Variants in TRIP12 observed in about 807,000 individuals in gnomAD.
TRIP12 encodes the protein thyroid hormone receptor interactor 12.
TRIP12 carries 25 observed loss-of-function variants against 244.2 expected under a neutral mutation model. The ratio of observed to expected loss-of-function variants is 0.10; its 90% CI spans 0.07 to 0.14. TRIP12 has a LOEUF of 0.14. Among genes scored for constraint, TRIP12 ranks in the 10% least tolerant of loss-of-function variants. The pLI is 1.00. For synonymous variants in TRIP12, 905 were observed against 873.1 expected, an observed-to-expected ratio of 1.04 and a Z score of -0.64; for missense variants, 1,677 against 2,486.4, an observed-to-expected ratio of 0.67 and a Z score of 6.92.
intron 1 of TRIP12, among the ~76,000 whole-genome samples, chr2:229,890,442 A>T (rs2067071361): frequency 6.6e-6 from 1 of 152,326 alleles, no homozygotes; most frequent in Admixed American, 6.5e-5. Context: ...TAGGACGTCT[A>T]TTCCTGACTT....
chr2:229,870,858 G>A (rs914442758), intron 2 of TRIP12, among the ~76,000 whole-genome samples: 6 of 152,068 alleles, frequency 3.9e-5, no homozygotes, highest in African/African-American at 9.7e-5. Flanking sequence ...TCTTGAGTGT[G>A]GCTTCATTAT....
At chr2:229,836,615 T>C (rs753642299) in intron 6 of TRIP12, among the ~76,000 whole-genome samples, 23 of 152,246 alleles carry the variant, frequency 1.5e-4, no homozygotes, top group Non-Finnish European at 5.9e-5. Flanking sequence ...TATAAAAAGC[T>C]TAAACAGAGT....
At chr2:229,819,716 T>C (rs374681258) in intron 8 of TRIP12, among the ~76,000 whole-genome samples, 3 of 152,224 alleles carry the variant, frequency 2.0e-5, no homozygotes, top group East Asian at 3.8e-4. Flanking sequence ...TCTTCGCAAA[T>C]TGGACTTTTC....
chr2:229,845,710 G>A (rs753354720), intron 4 of TRIP12, among the ~76,000 whole-genome samples: 3 of 152,114 alleles, frequency 2.0e-5, no homozygotes, highest in Admixed American at 6.6e-5. Flanking sequence ...CATATCAGGG[G>A]ATGACTATGA....
rs745831141 is a variant in TRIP12, at chr2:229,818,516, T to C, written c.1451-4A>G. On this transcript the variant is annotated splice_polypyrimidine_tract_variant and splice_region_variant and intron_variant, in intron 8 of 41. Coordinates refer to ENST00000675903, the MANE Select transcript of TRIP12 (RefSeq NM_001348323.3). ...AGTAGCTGCTGGGCCTTAGAACCTT[T>C]AGAGAAAAAAATAATTATTATCTTT... 4.3e-6 allele frequency: 7 copies of C among 1,609,986 alleles called. No homozygotes were observed. The highest frequency in any genetic ancestry group is 5.1e-6 in the Non-Finnish European group (6 of 1,178,710).
chr2:229,789,514 C>A, intron 31 of TRIP12, 97 bp downstream of exon 31: 1 of 1,447,454 alleles, frequency 6.9e-7, no homozygotes, highest in South Asian at 1.4e-5. Context: ...GGCTAGGAGC[C>A]CTGCATTTAG....
At position 229,875,801 on chromosome 2, in the gene TRIP12, G is replaced by C. The variant is rs34907745; in HGVS notation, c.98+4181C>G. 3.6e-3 allele frequency among the ~76,000 whole-genome samples: 548 copies of C among 152,296 alleles called. 1 individual carries two copies. Among genetic ancestry groups the C allele is most frequent in the Middle Eastern group, 6.8e-3 (2 of 294 alleles). ...GGCAAGTCAACCATTTTCAGGAAAC[G>C]AAGGCTACAATGACAGCATTTTACT... On this transcript the variant is annotated intron_variant, in intron 2 of 41. Coordinates refer to ENST00000675903, the MANE Select transcript of TRIP12 (RefSeq NM_001348323.3).
intron 34 of TRIP12, among the ~76,000 whole-genome samples, 195 bp downstream of exon 34, chr2:229,785,562 C>T (rs372608212): frequency 1.6e-4 from 24 of 152,220 alleles, no homozygotes; most frequent in East Asian, 3.9e-4. Flanking sequence ...TGTGTTCTTA[C>T]GCCAGGAAAA....
chr2:229,840,312 T>C (rs918654181), intron 5 of TRIP12, among the ~76,000 whole-genome samples: 4 of 152,168 alleles, frequency 2.6e-5, no homozygotes, highest in African/African-American at 7.2e-5. Flanking sequence ...TAGAACTTAG[T>C]AGAAACATGT....
At chr2:229,862,920 C>A (rs2060699362) in intron 2 of TRIP12, among the ~76,000 whole-genome samples, 2 of 152,106 alleles carry the variant, frequency 1.3e-5, no homozygotes, top group African/African-American at 4.8e-5. Context: ...CCAAGGCTCA[C>A]AAAACTGGCT....
At chr2:229,796,504 C>T in intron 25 of TRIP12, 87 bp downstream of exon 25, 1 of 1,246,672 alleles carries the variant, frequency 8.0e-7, no homozygotes, top group South Asian at 2.0e-5. Flanking sequence ...TGACCAAGAC[C>T]TGCTGGAAAT....
At position 229,815,174 on chromosome 2, in the gene TRIP12, G is replaced by C; in HGVS notation, c.1656C>G (p.Ala552=). Residue 552 remains alanine (A), a synonymous_variant, in exon 11 of 42, where the codon GCC becomes GCG. Transcript: ENST00000675903. ...NFDIMNHACR[A]LTYMMEALPR... ...GAAGTGCTTCCATCATGTATGTTAA[G>C]GCTCGACAAGCATGGTTCATCTAGA... 1 of 1,612,862 alleles carries C rather than the reference G, an allele frequency of 6.2e-7. No homozygotes were observed. The highest frequency in any genetic ancestry group is 8.5e-7 in the Non-Finnish European group (1 of 1,179,564).
In TRIP12 at chr2:229,778,753, A is replaced by T; in HGVS notation, c.5209+123T>A. 1 of 1,340,562 alleles carries T rather than the reference A, an allele frequency of 7.5e-7. No individual in the cohort carries two copies. Among genetic ancestry groups the T allele is most frequent in the Admixed American group, 2.1e-5 (1 of 47,632 alleles). 83.0% of individuals were successfully genotyped at this position (1,340,562 alleles called of 1,614,324 possible). A position where few individuals can be genotyped will look rare whatever the true frequency, so the allele number is the denominator to read the frequency against. On this transcript the variant is annotated intron_variant, in intron 35 of 41. Transcript: ENST00000675903. The surrounding 1 kb of genome is among the most constrained non-coding windows in gnomAD (Gnocchi z 4.1). ...GGCCTTCCCTATTTGATAAATGAGA[A>T]AACAGAGGCTAAAAGAAAGCAAGTA...
At chr2:229,864,033 AGAGAGAGAGAGAGAGTGTGTGTGTGTGT>A (rs1175939181) in intron 2 of TRIP12, among the ~76,000 whole-genome samples, 25 of 118,238 alleles carry the variant, frequency 2.1e-4, no homozygotes, top group African/African-American at 7.4e-4. Context: ...AGAGAGAGAG[AGAGAGAGAGAGAGAGTGTGTGTGTGTGT>A]GTGTGTGTGT....
chr2:229,818,421 G>A lies in TRIP12; in HGVS notation c.1542C>T (p.Val514=). The A allele has an allele frequency of 6.2e-7, 1 of 1,614,106 alleles. No homozygotes were observed. Among genetic ancestry groups the A allele is most frequent in the Non-Finnish European group, 8.5e-7 (1 of 1,179,996 alleles). ...QAVIEMCQLL[V]MGNEETLGGF... The stretch of plus-strand genomic sequence containing the variant: ...CTCCCAGTGTCTCCTCATTTCCCAT[G>A]ACCAGTAACTGACACATCTCAATAA... Residue 514 remains valine, a synonymous_variant, in exon 9 of 42, where the codon GTC becomes GTT. Transcript: ENST00000675903.
At chr2:229,917,149 G>A (rs887505146) in intron 1 of TRIP12, among the ~76,000 whole-genome samples, 1 of 152,010 alleles carries the variant, frequency 6.6e-6, no homozygotes, top group Non-Finnish European at 1.5e-5. Flanking sequence ...GGGAGTCCAA[G>A]GCGGGTGGAT....
intron 1 of TRIP12, among the ~76,000 whole-genome samples, chr2:229,914,355 G>A (rs1270865108): frequency 6.6e-6 from 1 of 152,182 alleles, no homozygotes; most frequent in Non-Finnish European, 1.5e-5. Context: ...AGCCAAGGAT[G>A]TAAAACAGAA....
At chr2:229,784,155 TTA>T (rs2039261742) in intron 34 of TRIP12, among the ~76,000 whole-genome samples, 1 of 148,734 alleles carries the variant, frequency 6.7e-6, no homozygotes, top group Non-Finnish European at 1.5e-5. Context: ...AAAGGAGGAC[TTA>T]TACTACCTGA....
chr2:229,848,328 C>G (rs964424308), intron 4 of TRIP12, among the ~76,000 whole-genome samples: 3 of 129,762 alleles, frequency 2.3e-5, no homozygotes, highest in South Asian at 3.1e-4. Context: ...CCCCCCCCGC[C>G]CCCCCCACAC....
Sources: allele counts gnomAD v4.1 joint callset (sites outside exome capture counted in the v4.1 genomes callset), GRCh38; gene constraint gnomAD v4.1.1; non-coding constraint Gnocchi (gnomAD v3.1); transcripts MANE v1.5; gene names NCBI Gene and HGNC (gene_info 2026-07-23, HGNC 2026-07-21).